Variants in RAB40A observed in about 807,000 individuals in gnomAD.
The protein encoded by RAB40A is ras-related protein Rab-40A.
For synonymous variants in RAB40A, 65 were observed against 99.9 expected, an observed-to-expected ratio of 0.65 and a Z score of 2.08; for missense variants, 145 against 230.2, an observed-to-expected ratio of 0.63 and a Z score of 2.40.
At chrX:103,507,411 G>T (rs778316134) in intron 2 of RAB40A, among the ~76,000 whole-genome samples, 9 of 108,906 alleles carry the variant, frequency 8.3e-5, no homozygotes, top group East Asian at 2.8e-4. Context: ...GTCTTTAGTG[G>T]TTTTTTTTCC....
chrX:103,512,185 T>C (rs1276850162), intron 2 of RAB40A, among the ~76,000 whole-genome samples: 1 of 112,320 alleles, frequency 8.9e-6, no homozygotes, highest in Non-Finnish European at 1.9e-5. Flanking sequence ...CATTCTTGGG[T>C]GTTTCAAAAG....
In RAB40A at chrX:103,500,499, A is replaced by G; in HGVS notation, c.258T>C (p.Gly86=). The stretch of plus-strand genomic sequence containing the variant: ...CGTAGACCAGGATCACTCCTTGTGC[A>G]CCACGAGAGTAGGAGCGGAATATGG... The part of the protein sequence containing the change: ...FCTIFRSYSR[G]AQGVILVYDI... The change falls in exon 3 of 3, where the codon GGT becomes GGC. Residue 86 remains glycine (G), a synonymous_variant. Transcript: ENST00000304236. The G allele has an allele frequency of 8.3e-7, 1 of 1,211,230 alleles. No individual in the cohort carries two copies. Among genetic ancestry groups the G allele is most frequent in the Non-Finnish European group, 1.1e-6 (1 of 895,180 alleles).
At chrX:103,509,440 CCT>C (rs2073275515) in intron 2 of RAB40A, among the ~76,000 whole-genome samples, 1 of 54,228 alleles carries the variant, frequency 1.8e-5, no homozygotes, top group Non-Finnish European at 3.5e-5. Context: ...CCTCTCCTCC[CCT>C]CTCCCTCTCC....
intron 2 of RAB40A, among the ~76,000 whole-genome samples, 169 bp downstream of exon 2, chrX:103,517,204 AG>A (rs2073321119): frequency 8.9e-6 from 1 of 111,950 alleles, no homozygotes; most frequent in Admixed American, 9.5e-5. Context: ...AAATAGTTAC[AG>A]GGCACACGGT....
chrX:103,500,288 G>C lies in RAB40A; in HGVS notation c.469C>G (p.Pro157Ala). Residue 157 changes from proline (P) to alanine (A), a missense_variant, in exon 3 of 3, where the codon CCT (proline) becomes GCT (alanine). Coordinates refer to ENST00000304236, the MANE Select transcript of RAB40A (RefSeq NM_080879.3). ...TCTATGATGTTGAAATTGCACAGAGGGCTGACCTCAAAGAAGGTCACACCC... is the reference window on the plus strand; with the variant it reads ...TCTATGATGTTGAAATTGCACAGAGCGCTGACCTCAAAGAAGGTCACACCC... ...RLGVTFFEVS[P>A]LCNFNIIESF... is the part of the protein sequence containing the mutation. The C allele has an allele frequency of 3.3e-6, 4 of 1,212,036 alleles. No homozygotes were observed. Among genetic ancestry groups the C allele is most frequent in the Non-Finnish European group, 4.5e-6 (4 of 895,551 alleles).
In RAB40A at chrX:103,499,891, C is replaced by T. The variant is rs768572826; in HGVS notation, c.*32G>A. The T allele has an allele frequency of 1.5e-5, 18 of 1,199,464 alleles. No homozygotes were observed. Among genetic ancestry groups the T allele is most frequent in the Middle Eastern group, 4.6e-4 (2 of 4,350 alleles). On this transcript the variant is annotated 3_prime_UTR_variant, in exon 3 of 3. Coordinates refer to ENST00000304236, the MANE Select transcript of RAB40A (RefSeq NM_080879.3). Reference sequence around the variant, plus strand: ...GGTGTAACCAGAGTTTTTCCTGGAGCGATTCCAGCTTGTTTCCTTTTGGTG... The same window carrying T: ...GGTGTAACCAGAGTTTTTCCTGGAGTGATTCCAGCTTGTTTCCTTTTGGTG...
intron 2 of RAB40A, among the ~76,000 whole-genome samples, chrX:103,504,920 T>C (rs937852147): frequency 8.9e-6 from 1 of 112,329 alleles, no homozygotes; most frequent in Non-Finnish European, 1.9e-5. Flanking sequence ...AAGAGACACT[T>C]ATGTTTACAA....
rs953972630 is a variant in RAB40A at position 103,517,452 on chromosome X, C to T, written c.-149G>A. 2 of 111,396 alleles carry T rather than the reference C, an allele frequency of 1.8e-5. No individual in the cohort carries two copies. The highest frequency in any genetic ancestry group is 6.5e-5 in the African/African-American group (2 of 30,612). The allele number at this position is 111,396 out of a possible 1,213,427, so 9.2% of individuals were successfully genotyped here. ...ACTCCTGTCTTCTGTCTAGCTGACT[C>T]ATTATTATTCTTTGCTCTTCTGTAC... On this transcript the variant is annotated 5_prime_UTR_variant, in exon 2 of 3. An upstream start codon of the reference 5' UTR is lost. Coordinates refer to ENST00000304236, the MANE Select transcript of RAB40A (RefSeq NM_080879.3).
intron 2 of RAB40A, chrX:103,503,164 A>G: frequency 1.3e-6 from 1 of 754,152 alleles, no homozygotes; most frequent in African/African-American, 2.3e-5. Context: ...GCTAGAAAGA[A>G]AAAAATTGAT....
intron 2 of RAB40A, among the ~76,000 whole-genome samples, chrX:103,513,500 C>A (rs1056586317): frequency 9.0e-6 from 1 of 111,006 alleles, no homozygotes; most frequent in Non-Finnish European, 1.9e-5. Flanking sequence ...AGAAAATATA[C>A]ACATGCCAAT....
At chrX:103,506,425 A>AAT (rs1569375124) in intron 2 of RAB40A, among the ~76,000 whole-genome samples, 2 of 112,117 alleles carry the variant, frequency 1.8e-5, no homozygotes, top group Non-Finnish European at 1.9e-5. Flanking sequence ...CTTTTAAAAA[A>AAT]ATATATGATT....
chrX:103,495,409 C>G (rs1383161326), downstream of RAB40A, among the ~76,000 whole-genome samples: 2 of 111,338 alleles, frequency 1.8e-5, no homozygotes, highest in Non-Finnish European at 3.8e-5. Flanking sequence ...ATTTCTTTCT[C>G]TTGTCTGATT....
intron 2 of RAB40A, chrX:103,503,180 G>T (rs754942480): frequency 2.7e-6 from 2 of 751,708 alleles, no homozygotes; most frequent in African/African-American, 4.6e-5. Context: ...TTGATTGATA[G>T]ATGTAAAACA....
chrX:103,507,789 C>T (rs1467146376), intron 2 of RAB40A, among the ~76,000 whole-genome samples: 2 of 110,731 alleles, frequency 1.8e-5, no homozygotes, highest in Admixed American at 1.9e-4. Context: ...ATGTTACTTG[C>T]CTTCTCTCCA....
At chrX:103,516,957 C>T (rs925385498) in intron 2 of RAB40A, among the ~76,000 whole-genome samples, 1 of 111,353 alleles carries the variant, frequency 9.0e-6, no homozygotes, top group African/African-American at 3.3e-5. Flanking sequence ...CTGGCCCAGA[C>T]CCAATTCCTT....
chrX:103,516,792 GTTATAA>G (rs908359891), intron 2 of RAB40A, among the ~76,000 whole-genome samples: 2 of 111,619 alleles, frequency 1.8e-5, no homozygotes, highest in Admixed American at 9.5e-5. Flanking sequence ...TCATAAAGCT[GTTATAA>G]TTATATGTAC....
intron 2 of RAB40A, among the ~76,000 whole-genome samples, chrX:103,504,886 G>T (rs1428024621): frequency 8.9e-6 from 1 of 112,236 alleles, no homozygotes; most frequent in Admixed American, 9.4e-5. Flanking sequence ...TAATCTTAAA[G>T]AAGGGGAAAT....
At chrX:103,503,117 C>A (rs767055506) in intron 2 of RAB40A, 1 of 751,947 alleles carries the variant, frequency 1.3e-6, no homozygotes, top group African/African-American at 2.3e-5. Flanking sequence ...AGCTGTTGAA[C>A]ATCATGCCTC....
At chrX:103,502,940 G>A in intron 2 of RAB40A, 25 of 764,994 alleles carry the variant, frequency 3.3e-5, no homozygotes, top group Non-Finnish European at 3.9e-5. Flanking sequence ...GGCTGGCTGA[G>A]CCTCTGGGCT....
Sources: allele counts gnomAD v4.1 joint callset (sites outside exome capture counted in the v4.1 genomes callset), GRCh38; gene constraint gnomAD v4.1.1; transcripts MANE v1.5; gene names NCBI Gene and HGNC (gene_info 2026-07-23, HGNC 2026-07-21).